NBAS: variants seen among roughly 807,000 people sequenced by gnomAD.
NBAS encodes NAG/BC035112 fusion.
In NBAS, 219 loss-of-function variants were observed where a neutral mutation model predicts 302.5. The ratio of observed to expected loss-of-function variants is 0.72; its 90% confidence interval spans 0.65 to 0.81. The LOEUF is 0.81. Ranked by LOEUF, NBAS falls within the 30% of genes least tolerant of loss-of-function variation. The pLI is 0.00. For synonymous variants in NBAS, 1,118 were observed against 1,021.6 expected (o/e 1.09, Z -1.80); for missense variants, 2,932 against 2,841.6 (o/e 1.03, Z -0.72).
chr2:15,010,158 C>T, the NBAS span, among the ~76,000 whole-genome samples: 1 of 152,072 alleles, frequency 6.6e-6, no homozygotes, highest in Non-Finnish European at 1.5e-5. Flanking sequence ...CTCAGAAGGC[C>T]TGACCCATAC....
intron 51 of NBAS, among the ~76,000 whole-genome samples, chr2:15,171,787 C>T (rs764672670): frequency 2.0e-5 from 3 of 152,126 alleles, no homozygotes; most frequent in Non-Finnish European, 4.4e-5. Context: ...CCGATATAAC[C>T]GGTGTCCTTA....
At chr2:14,827,786 A>C in the NBAS span, among the ~76,000 whole-genome samples, 6 of 152,152 alleles carry the variant, frequency 3.9e-5, no homozygotes, top group Non-Finnish European at 8.8e-5. Context: ...GGTGTTTGCC[A>C]GGGGCTAGAG....
chr2:15,116,370 G>T, the NBAS span, among the ~76,000 whole-genome samples: 1 of 152,012 alleles, frequency 6.6e-6, no homozygotes, highest in Non-Finnish European at 1.5e-5. Flanking sequence ...TCTCTTCCTG[G>T]CCTGCAGACA....
rs146200897 is a variant in NBAS at position 15,560,389 on chromosome 2, G to C, written c.117+799C>G. 1.2e-4 allele frequency among the ~76,000 whole-genome samples: 18 copies of C among 152,216 alleles called. 1 individual carries two copies. The South Asian group carries it at 1.5e-3, about 12-fold the overall frequency. On this transcript the variant is annotated intron_variant, in intron 1 of 51. Transcript: ENST00000281513. ...AATTATCAACCTCTATAACCCTTCT[G>C]TAGCGGAGATCCCAATCCCAGTCAG...
the NBAS span, among the ~76,000 whole-genome samples, chr2:15,135,427 C>T: frequency 1.1e-4 from 16 of 152,286 alleles, 1 homozygote; most frequent in Admixed American, 5.9e-4. Flanking sequence ...ATTGGTGGCA[C>T]TCAGTCATCA....
intron 44 of NBAS, among the ~76,000 whole-genome samples, chr2:15,270,993 T>C (rs1207489401): frequency 6.6e-6 from 1 of 152,202 alleles, no homozygotes; most frequent in Non-Finnish European, 1.5e-5. Flanking sequence ...AGTTAAAAGA[T>C]AGTATTGGCA....
chr2:15,328,672 C>T (rs1672186970), intron 36 of NBAS, among the ~76,000 whole-genome samples: 1 of 152,214 alleles, frequency 6.6e-6, no homozygotes, highest in South Asian at 2.1e-4. Flanking sequence ...AAAACGTCAT[C>T]TTGTCTGTGT....
the NBAS span, among the ~76,000 whole-genome samples, chr2:14,941,686 C>T: frequency 6.6e-6 from 1 of 152,174 alleles, no homozygotes; most frequent in Non-Finnish European, 1.5e-5. Flanking sequence ...ATTGTTAAAC[C>T]CAATTGTCAT....
intron 28 of NBAS, among the ~76,000 whole-genome samples, chr2:15,390,140 A>G (rs1456445057): frequency 6.6e-6 from 1 of 152,176 alleles, no homozygotes; most frequent in Non-Finnish European, 1.5e-5. Context: ...GGAAAAAGAA[A>G]ACATGTCAAG....
chr2:15,331,869 C>T (rs975337575), intron 35 of NBAS, among the ~76,000 whole-genome samples: 6 of 152,110 alleles, frequency 3.9e-5, no homozygotes, highest in Non-Finnish European at 7.4e-5. Context: ...GTACAGACCT[C>T]GAAGTGAGGA....
At chr2:15,229,351 A>AAC (rs1667280735) in intron 47 of NBAS, among the ~76,000 whole-genome samples, 1 of 126,976 alleles carries the variant, frequency 7.9e-6, no homozygotes, top group African/African-American at 3.2e-5. Flanking sequence ...AAAAAACAAA[A>AAC]AAAAAAAAAA....
At chr2:15,190,927 T>A (rs1391017846) in intron 48 of NBAS, among the ~76,000 whole-genome samples, 1 of 152,214 alleles carries the variant, frequency 6.6e-6, no homozygotes, top group South Asian at 2.1e-4. Context: ...TATTTATACC[T>A]CCATTTCGAA....
At chr2:14,900,676 G>A in the NBAS span, among the ~76,000 whole-genome samples, 9,030 of 152,210 alleles carry the variant, frequency 0.059, 458 homozygotes, top group African/African-American at 0.13. Context: ...ATGGGCACTG[G>A]AGCATACAGA....
the NBAS span, among the ~76,000 whole-genome samples, chr2:14,936,375 T>C: frequency 6.6e-6 from 1 of 152,234 alleles, no homozygotes; most frequent in East Asian, 1.9e-4. Context: ...TCTTAGAAAG[T>C]ATAAATATGC....
chr2:14,951,921 A>C, the NBAS span, among the ~76,000 whole-genome samples: 1 of 152,078 alleles, frequency 6.6e-6, no homozygotes, highest in African/African-American at 2.4e-5. Flanking sequence ...TCTTCCTCCG[A>C]TTTTCACATA....
chr2:15,126,635 G>T, the NBAS span, among the ~76,000 whole-genome samples: 1 of 152,172 alleles, frequency 6.6e-6, no homozygotes, highest in Non-Finnish European at 1.5e-5. Flanking sequence ...AAGGAGAGTG[G>T]TGGTAATTAT....
intron 21 of NBAS, among the ~76,000 whole-genome samples, chr2:15,460,605 G>A (rs559886318): frequency 1.3e-5 from 2 of 152,330 alleles, no homozygotes; most frequent in South Asian, 2.1e-4. Context: ...AAGAACAGAT[G>A]TTCTGGCCTC....
chr2:14,887,174 C>T, the NBAS span, among the ~76,000 whole-genome samples: 1 of 152,104 alleles, frequency 6.6e-6, no homozygotes, highest in Non-Finnish European at 1.5e-5. Context: ...GAGGCCAAGG[C>T]GGATGGATCA....
chr2:15,386,295 T>C (rs1215228630), intron 28 of NBAS, among the ~76,000 whole-genome samples: 2 of 152,218 alleles, frequency 1.3e-5, no homozygotes, highest in African/African-American at 2.4e-5. Flanking sequence ...CAAGGTTTCC[T>C]GGAAGATGTG....
Sources: allele counts gnomAD v4.1 joint callset (sites outside exome capture counted in the v4.1 genomes callset), GRCh38; gene constraint gnomAD v4.1.1; transcripts MANE v1.5; gene names NCBI Gene and HGNC (gene_info 2026-07-23, HGNC 2026-07-21).